The following THSD4 variants were observed in gnomAD, a reference collection of about 807,000 sequenced individuals.
The protein encoded by THSD4 is thrombospondin type-1 domain-containing protein 4.
THSD4 carries 69 observed loss-of-function variants against 119.0 expected under a neutral mutation model. That is an observed-to-expected ratio of 0.58 (90% CI 0.48 to 0.71). The LOEUF is 0.71. Ranked by LOEUF, THSD4 falls within the 30% of genes least tolerant of loss-of-function variation. The pLI is 0.00. For missense variants in THSD4, 1,393 were observed against 1,391.1 expected (o/e 1.00, Z -0.02); for synonymous variants, 524 against 540.4 (o/e 0.97, Z 0.42).
intron 7 of THSD4, among the ~76,000 whole-genome samples, chr15:71,585,190 T>A (rs2140857860): frequency 6.6e-6 from 1 of 152,370 alleles, no homozygotes. Flanking sequence ...TTTTATACTT[T>A]AAAAGTTTTC....
chr15:71,509,951 C>A (rs4777403), intron 7 of THSD4, among the ~76,000 whole-genome samples: 118,939 of 152,104 alleles, frequency 0.78, 46,714 homozygotes, highest in East Asian at 0.94. Context: ...TAGTGCATAA[C>A]TATTGTCGAT....
At chr15:71,307,643 C>T (rs1254167070) in intron 6 of THSD4, among the ~76,000 whole-genome samples, 2 of 152,114 alleles carry the variant, frequency 1.3e-5, no homozygotes, top group African/African-American at 2.4e-5. Context: ...GTGGGGGGCA[C>T]CTGTAATCCC....
At chr15:71,729,429 T>C (rs2052929729) in intron 9 of THSD4, 1 of 152,368 alleles carries the variant, frequency 6.6e-6, no homozygotes, top group Non-Finnish European at 1.5e-5. Context: ...AAGATTGAGA[T>C]CACCCATGAA....
chr15:71,621,666 G>T (rs1366027670), intron 7 of THSD4, among the ~76,000 whole-genome samples: 1 of 152,140 alleles, frequency 6.6e-6, no homozygotes, highest in South Asian at 2.1e-4. Context: ...CACTAAAACT[G>T]TGGTGAAAAT....
chr15:71,646,637 C>G (rs1420439107), intron 7 of THSD4, among the ~76,000 whole-genome samples: 1 of 152,174 alleles, frequency 6.6e-6, no homozygotes. Flanking sequence ...CAAACATAAA[C>G]TGGCTTCATC....
chr15:71,490,683 C>T (rs2047904840), intron 7 of THSD4, among the ~76,000 whole-genome samples: 1 of 151,850 alleles, frequency 6.6e-6, no homozygotes, highest in Admixed American at 6.6e-5. Context: ...GAGCCAAGGT[C>T]GCACCACTGC....
chr15:71,252,634 A>G (rs2044272560), intron 5 of THSD4, among the ~76,000 whole-genome samples: 1 of 152,190 alleles, frequency 6.6e-6, no homozygotes, highest in Non-Finnish European at 1.5e-5. Context: ...GAAGGGCACC[A>G]TGGCATAGTG....
In THSD4 at chr15:71,547,470, C is replaced by T. The variant is rs750373292; in HGVS notation, c.1153-113060C>T. On this transcript the variant is annotated intron_variant, in intron 7 of 17. Coordinates refer to ENST00000261862, the MANE Select transcript of THSD4 (RefSeq NM_024817.3). ...CGTTCAAACAGCAGTGTTAGCAAGACCTGGGGGAGAGGTAAGCCAAATAAA... is the reference window on the plus strand; with the variant it reads ...CGTTCAAACAGCAGTGTTAGCAAGATCTGGGGGAGAGGTAAGCCAAATAAA... 83 of 1,550,104 alleles carry T rather than the reference C, an allele frequency of 5.4e-5. No individual in the cohort carries two copies. The highest frequency in any genetic ancestry group is 7.2e-5 in the Non-Finnish European group (83 of 1,146,902).
At chr15:71,663,158 A>G (rs2051344780) in intron 8 of THSD4, among the ~76,000 whole-genome samples, 1 of 152,120 alleles carries the variant, frequency 6.6e-6, no homozygotes, top group South Asian at 2.1e-4. Context: ...AGGCTTAGGC[A>G]TGAGGATCAC....
rs548483869 is a variant in THSD4, at chr15:71,777,435, G to C, written c.*61G>C. On this transcript the variant is annotated 3_prime_UTR_variant, in exon 18 of 18. Transcript: ENST00000261862. ...GCCTTCCCGGGGGCTTCAGCAGTGCGCCTGGCTGGCTGCTGCTCCACCACG... is the reference window on the plus strand; with the variant it reads ...GCCTTCCCGGGGGCTTCAGCAGTGCCCCTGGCTGGCTGCTGCTCCACCACG... 4.5e-6 allele frequency: 7 copies of C among 1,550,738 alleles called. No homozygotes were observed. Among genetic ancestry groups the C allele is most frequent in the Non-Finnish European group, 6.1e-6 (7 of 1,150,260 alleles).
intron 7 of THSD4, among the ~76,000 whole-genome samples, chr15:71,442,628 ATGTATGTGTGTG>A (rs2047118107): frequency 1.9e-5 from 1 of 53,404 alleles, no homozygotes; most frequent in South Asian, 1.0e-3. Flanking sequence ...GTATATATAT[ATGTATGTGTGTG>A]TATATGTGTG....
intron 6 of THSD4, among the ~76,000 whole-genome samples, chr15:71,409,927 T>G (rs12903187): frequency 0.15 from 22,454 of 151,884 alleles, 1,945 homozygotes; most frequent in Admixed American, 0.23. Flanking sequence ...TGTGTACTTA[T>G]CTTGTCTGTT....
At chr15:71,182,732 A>T (rs2043546067) in intron 3 of THSD4, among the ~76,000 whole-genome samples, 1 of 151,582 alleles carries the variant, frequency 6.6e-6, no homozygotes, top group Non-Finnish European at 1.5e-5. Context: ...TTTGTATGTT[A>T]GTGGTCTATC....
Position 71,728,693 on chromosome 15 carries a change from A to G in THSD4, c.1502A>G (p.Glu501Gly). Residue 501 changes from glutamate (E) to glycine (G), a missense_variant, in exon 9 of 18, where the codon GAA (glutamate) becomes GGA (glycine). Physicochemically the swap from Glu to Gly is moderately conservative, Grantham distance 98. Transcript: ENST00000261862. ...ACTGCCGGAGAGTCCTTTTTGGCGG[A>G]AGGTCCCACCAACGAGATCTTGGAT... ...SSTAGESFLA[E>G]GPTNEILDVY... The G allele has an allele frequency of 6.2e-7, 1 of 1,614,186 alleles. No homozygotes were observed. The highest frequency in any genetic ancestry group is 8.5e-7 in the Non-Finnish European group (1 of 1,180,030).
intron 3 of THSD4, among the ~76,000 whole-genome samples, chr15:71,174,311 A>T (rs1438653859): frequency 1.3e-5 from 2 of 152,120 alleles, no homozygotes; most frequent in Non-Finnish European, 2.9e-5. Flanking sequence ...AGGGCGAGGC[A>T]TTGCCTCACC....
intron 8 of THSD4, among the ~76,000 whole-genome samples, chr15:71,721,271 G>A (rs1235997232): frequency 3.9e-5 from 6 of 152,202 alleles, no homozygotes; most frequent in Non-Finnish European, 8.8e-5. Flanking sequence ...CACTTTGGGA[G>A]GCCGAGGCAG....
chr15:71,630,393 A>C (rs1274928454), intron 7 of THSD4, among the ~76,000 whole-genome samples: 2 of 152,194 alleles, frequency 1.3e-5, no homozygotes, highest in Non-Finnish European at 1.5e-5. Flanking sequence ...GTGATTAAAA[A>C]ATGTGCAGTA....
At chr15:71,628,528 T>G (rs1024326292) in intron 7 of THSD4, among the ~76,000 whole-genome samples, 1 of 152,150 alleles carries the variant, frequency 6.6e-6, no homozygotes, top group Non-Finnish European at 1.5e-5. Context: ...CTGCTCACCC[T>G]TTGGGACGCA....
At chr15:71,606,562 C>T (rs981225761) in intron 7 of THSD4, among the ~76,000 whole-genome samples, 8 of 147,266 alleles carry the variant, frequency 5.4e-5, no homozygotes, top group Middle Eastern at 3.2e-3. Flanking sequence ...TTTTTTGAGA[C>T]GGAGTTTCAC....
Sources: gnomAD v4.1 joint callset for allele counts (sites outside exome capture counted in the v4.1 genomes callset) on GRCh38, gnomAD v4.1.1 for gene constraint, MANE v1.5 for transcripts, NCBI Gene and HGNC (gene_info 2026-07-23, HGNC 2026-07-21) for gene names.